Variants in ITPK1 observed in about 807,000 individuals in gnomAD.
ITPK1 encodes the protein inositol-tetrakisphosphate 1-kinase, also known as inositol 1,3,4-trisphosphate 5/6-kinase.
Under a neutral mutation model 45.3 loss-of-function variants are expected in ITPK1, and 21 were observed. That is an observed-to-expected ratio of 0.46 (90% CI 0.33 to 0.67). The LOEUF is 0.67. ITPK1 is among the 30% of genes least tolerant of loss of function. ITPK1 has a pLI of 0.02. For missense variants in ITPK1, 474 were observed against 573.5 expected, an observed-to-expected ratio of 0.83 and a Z score of 1.77; for synonymous variants, 258 against 253.6, an observed-to-expected ratio of 1.02 and a Z score of -0.16.
At chr14:93,086,559 C>A (rs968536876) in intron 2 of ITPK1, among the ~76,000 whole-genome samples, 4 of 152,250 alleles carry the variant, frequency 2.6e-5, no homozygotes, top group Non-Finnish European at 5.9e-5. Context: ...AAACCCTGCC[C>A]CGAGATGCTA....
chr14:92,996,751 G>A (rs747038169), intron 4 of ITPK1, among the ~76,000 whole-genome samples: 3 of 152,106 alleles, frequency 2.0e-5, no homozygotes, highest in Non-Finnish European at 4.4e-5. Context: ...AAAGGCACTT[G>A]GCTGTCCTCA....
intron 3 of ITPK1, among the ~76,000 whole-genome samples, chr14:93,057,232 C>T (rs941542): frequency 0.59 from 90,361 of 152,086 alleles, 27,194 homozygotes; most frequent in African/African-American, 0.7. Flanking sequence ...AAATCCACCA[C>T]GCATACACAG....
intron 9 of ITPK1, 73 bp from the exon 10 acceptor site, chr14:92,946,566 CA>C: frequency 6.9e-7 from 1 of 1,442,892 alleles, no homozygotes; most frequent in African/African-American, 1.4e-5. Context: ...ACAGACCCCC[CA>C]CACCAGCTGC....
At chr14:92,964,338 G>C (rs112761026) in intron 5 of ITPK1, among the ~76,000 whole-genome samples, 1 of 152,122 alleles carries the variant, frequency 6.6e-6, no homozygotes. Context: ...AGTGGTCAAC[G>C]GCAGAGCCAG....
chr14:92,989,168 C>G lies in ITPK1; in HGVS notation c.364+4712G>C, dbSNP rs537138261. Among the ~76,000 whole-genome samples, 5 of 152,330 alleles carry G rather than the reference C, an allele frequency of 3.3e-5. No individual in the cohort carries two copies. The South Asian group carries it at 1.0e-3, about 32-fold the overall frequency. On this transcript the variant is annotated intron_variant, in intron 5 of 10. Coordinates refer to ENST00000267615, the MANE Select transcript of ITPK1 (RefSeq NM_014216.6). ...CTCTTTGCTTTGTATCCAGACTACT[C>G]AATTTCAACCCAGGTTTCAAATGGC...
At chr14:92,961,525 T>A (rs536264532) in intron 7 of ITPK1, among the ~76,000 whole-genome samples, 1 of 152,354 alleles carries the variant, frequency 6.6e-6, no homozygotes, top group African/African-American at 2.4e-5. Context: ...TTTTCCTCCC[T>A]GGCCCGTCTC....
At chr14:93,110,222 G>A (rs756756592) in intron 2 of ITPK1, among the ~76,000 whole-genome samples, 2 of 152,088 alleles carry the variant, frequency 1.3e-5, no homozygotes, top group Non-Finnish European at 2.9e-5. Flanking sequence ...TGCTCCCCAG[G>A]AGGCTGGTAG....
At chr14:93,084,247 C>T (rs1457667174) in intron 2 of ITPK1, among the ~76,000 whole-genome samples, 2 of 152,262 alleles carry the variant, frequency 1.3e-5, no homozygotes, top group African/African-American at 2.4e-5. Context: ...AAAGAAACAA[C>T]TGATGAAGAG....
chr14:92,962,422 G>C lies in ITPK1; in HGVS notation c.464-27C>G, dbSNP rs569645568. 2.7e-5 allele frequency: 42 copies of C among 1,560,704 alleles called. No homozygotes were observed. In the African/African-American group the frequency reaches 4.2e-4, roughly 16 times the overall value. On this transcript the variant is annotated intron_variant, in intron 6 of 10. Transcript: ENST00000267615. ...TATGGGTTGGGGAGAGAAAAGCAGA[G>C]AGAAATTAGTGAGGCCGTTCACCCA...
chr14:92,980,001 G>A (rs1886144120), intron 5 of ITPK1, among the ~76,000 whole-genome samples: 1 of 151,940 alleles, frequency 6.6e-6, no homozygotes, highest in African/African-American at 2.4e-5. Flanking sequence ...GGCTGGTCTG[G>A]AACTCCTGAC....
In ITPK1 at chr14:92,993,977, A is replaced by G; in HGVS notation, c.267T>C (p.Pro89=). The change falls in exon 5 of 11, where the codon CCT becomes CCC. Residue 89 remains proline, a synonymous_variant. Transcript: ENST00000267615. ...HRFQEYIDAH[P]ETIVLDPLPA... ...GGAGCGGGTCCAGGACGATGGTCTC[A>G]GGGTGGGCATCGATGTACTCCTGAA... The G allele has an allele frequency of 6.2e-7, 1 of 1,613,114 alleles. No individual in the cohort carries two copies. The highest frequency in any genetic ancestry group is 8.5e-7 in the Non-Finnish European group (1 of 1,179,084).
intron 4 of ITPK1, among the ~76,000 whole-genome samples, chr14:92,997,517 C>T (rs1887117029): frequency 6.6e-6 from 1 of 152,180 alleles, no homozygotes; most frequent in African/African-American, 2.4e-5. Flanking sequence ...TTTCCAGTCA[C>T]CTCACTATCC....
intron 5 of ITPK1, among the ~76,000 whole-genome samples, chr14:92,971,590 G>A (rs920031952): frequency 6.6e-6 from 1 of 152,212 alleles, no homozygotes. Context: ...TCAGTAACAC[G>A]CCAAGGAACA....
rs111662589 is a variant in ITPK1 at position 92,967,483 on chromosome 14, C to T, written c.365-4634G>A. On this transcript the variant is annotated intron_variant, in intron 5 of 10. Transcript: ENST00000267615. ...TGCTGGTGGGAATAGAGAAATGGTA[C>T]AGAAGCTTGGGAAACAGTCTGGCAG... Among the ~76,000 whole-genome samples the T allele has an allele frequency of 8.9e-3, 1,356 of 152,298 alleles. 17 individuals are homozygous for T. The highest frequency in any genetic ancestry group is 0.031 in the African/African-American group (1,273 of 41,536).
At chr14:92,988,381 C>T (rs1886605372) in intron 5 of ITPK1, among the ~76,000 whole-genome samples, 1 of 152,216 alleles carries the variant, frequency 6.6e-6, no homozygotes, top group Admixed American at 6.5e-5. Context: ...GATGAGTGAA[C>T]AACTCAGGGG....
chr14:92,955,532 T>C (rs778373407), intron 8 of ITPK1, among the ~76,000 whole-genome samples: 4 of 152,184 alleles, frequency 2.6e-5, no homozygotes, highest in Admixed American at 2.6e-4. Context: ...ACAGTCTCTC[T>C]GTGAATGCGA....
intron 5 of ITPK1, among the ~76,000 whole-genome samples, chr14:92,992,104 G>A (rs1485778082): frequency 2.6e-5 from 4 of 152,166 alleles, no homozygotes; most frequent in East Asian, 3.8e-4. Flanking sequence ...GCCCTTCAGC[G>A]GCACCTCCTC....
intron 10 of ITPK1, among the ~76,000 whole-genome samples, chr14:92,944,791 A>T (rs1479801019): frequency 6.6e-6 from 1 of 152,072 alleles, no homozygotes; most frequent in East Asian, 1.9e-4. Context: ...ATGAAATCCC[A>T]GCTCCAGCTA....
chr14:93,102,563 C>T (rs925067299), intron 2 of ITPK1, among the ~76,000 whole-genome samples: 1 of 151,920 alleles, frequency 6.6e-6, no homozygotes, highest in East Asian at 1.9e-4. Flanking sequence ...ACCTGAGGTC[C>T]GAGAATCACT....
Sources: allele counts gnomAD v4.1 joint callset (sites outside exome capture counted in the v4.1 genomes callset), GRCh38; gene constraint gnomAD v4.1.1; transcripts MANE v1.5; gene names NCBI Gene and HGNC (gene_info 2026-07-23, HGNC 2026-07-21).